The following GNB5 variants were observed in gnomAD, a reference collection of about 807,000 sequenced individuals.
GNB5 encodes guanine nucleotide-binding protein subunit beta-5.
GNB5 carries 37 observed loss-of-function variants against 55.3 expected under a neutral mutation model. The ratio of observed to expected loss-of-function variants is 0.67; its 90% CI spans 0.51 to 0.88. The LOEUF is 0.88. GNB5 is among the 40% of genes least tolerant of loss of function. The pLI, the probability that GNB5 is intolerant of heterozygous loss-of-function variation, is 0.00. For synonymous variants in GNB5, 219 were observed against 198.5 expected (o/e 1.10, Z -0.87); for missense variants, 476 against 515.3 (o/e 0.92, Z 0.74).
At chr15:52,136,348 C>T (rs1048973575) in intron 7 of GNB5, among the ~76,000 whole-genome samples, 6 of 152,144 alleles carry the variant, frequency 3.9e-5, no homozygotes, top group African/African-American at 1.4e-4. Flanking sequence ...ATGCCTGGCT[C>T]GTAGGAAGTG....
At chr15:52,153,916 T>C in intron 4 of GNB5, 24 bp downstream of exon 4, 1 of 1,598,864 alleles carries the variant, frequency 6.3e-7, no homozygotes, top group Admixed American at 1.7e-5. Context: ...CCCGCTCACC[T>C]GTTATGCAGC....
chr15:52,136,125 C>CAGGGAAAAGCAGAAA (rs2033709861), intron 7 of GNB5, among the ~76,000 whole-genome samples: 1 of 77,912 alleles, frequency 1.3e-5, no homozygotes, highest in Non-Finnish European at 2.8e-5. Context: ...CACACACACA[C>CAGGGAAAAGCAGAAA]ACACACACAC....
intron 10 of GNB5, among the ~76,000 whole-genome samples, chr15:52,127,222 G>A (rs1333906016): frequency 6.6e-6 from 1 of 152,188 alleles, no homozygotes; most frequent in African/African-American, 2.4e-5. Context: ...GCATTTCTTT[G>A]CTAATCCTAG....
At chr15:52,184,736 C>T in intron 1 of GNB5, 42 bp from the exon 2 acceptor site, 1 of 1,556,420 alleles carries the variant, frequency 6.4e-7, no homozygotes, top group Non-Finnish European at 8.8e-7. Context: ...TGAGAAAAGC[C>T]AATGGTTTTA....
chr15:52,138,609 T>C (rs1596066712), intron 7 of GNB5: 1 of 152,198 alleles, frequency 6.6e-6, no homozygotes, highest in Middle Eastern at 3.4e-3. Flanking sequence ...GAAATTTGGG[T>C]ACTCATATTT....
At chr15:52,162,186 C>A (rs78998363) in intron 3 of GNB5, among the ~76,000 whole-genome samples, 1 of 152,148 alleles carries the variant, frequency 6.6e-6, no homozygotes, top group African/African-American at 2.4e-5. Flanking sequence ...CTCCTCGGAG[C>A]CTGCACCCTG....
chr15:52,186,850 C>T (rs1163033027), intron 1 of GNB5, among the ~76,000 whole-genome samples: 2 of 152,124 alleles, frequency 1.3e-5, no homozygotes, highest in Non-Finnish European at 2.9e-5. Context: ...TGAGCTCTTA[C>T]AGCAAAGGGG....
chr15:52,133,439 T>A lies in GNB5; in HGVS notation c.802A>T (p.Met268Leu). The change falls in exon 9 of 13, where the codon ATG (methionine) becomes TTG (leucine). Residue 268 changes from methionine (M) to leucine (L), a missense_variant. Met to Leu is a conservative substitution (Grantham distance 15). Transcript: ENST00000261837. ...GCDKKAMVWD[M>L]RSGQCVQAFE... ...GCCTGCACGCACTGGCCGGAGCGCATGTCCCACACCATGGCTTTCTTGTCA... is the reference window on the plus strand; with the variant it reads ...GCCTGCACGCACTGGCCGGAGCGCAAGTCCCACACCATGGCTTTCTTGTCA... 5 of 1,613,154 alleles carry A rather than the reference T, an allele frequency of 3.1e-6. No individual in the cohort carries two copies. The highest frequency in any genetic ancestry group is 4.2e-6 in the Non-Finnish European group (5 of 1,179,062).
chr15:52,163,947 A>G (rs2034395606), intron 3 of GNB5, among the ~76,000 whole-genome samples: 1 of 152,214 alleles, frequency 6.6e-6, no homozygotes, highest in African/African-American at 2.4e-5. Flanking sequence ...GACCCAGGCA[A>G]TAAGGGTCTG....
intron 9 of GNB5, among the ~76,000 whole-genome samples, chr15:52,129,316 G>C (rs1442830751): frequency 6.6e-6 from 1 of 152,130 alleles, no homozygotes; most frequent in Non-Finnish European, 1.5e-5. Context: ...GCAGGAGGAG[G>C]AGTCCTTTTA....
intron 3 of GNB5, among the ~76,000 whole-genome samples, chr15:52,166,311 G>A (rs989264251): frequency 2.5e-4 from 38 of 152,128 alleles, no homozygotes; most frequent in Middle Eastern, 3.2e-3. Context: ...AGGATATTCA[G>A]AACCTGAACT....
In GNB5 at chr15:52,117,102, A is replaced by ATATTTTTTTTTTTTTTTTT; in HGVS notation, c.*5654_*5655insAAAAAAAAAAAAAAAAATA. 6 of 87,096 alleles carry ATATTTTTTTTTTTTTTTTT rather than the reference A, an allele frequency of 6.9e-5. No individual in the cohort carries two copies. The highest frequency in any genetic ancestry group is 3.7e-4 in the African/African-American group (6 of 16,416). The allele number at this position is 87,096 out of a possible 1,614,324, so 5.4% of individuals were successfully genotyped here. Reference sequence around the variant, plus strand: ...CCACGCCCAGCTAATATATATATATATTTTTTTTTAGTACAGACAGGGTTT... The same window carrying ATATTTTTTTTTTTTTTTTT: ...CCACGCCCAGCTAATATATATATATATATTTTTTTTTTTTTTTTTTTTTTTTTTAGTACAGACAGGGTTT... On this transcript the variant is annotated 3_prime_UTR_variant, in exon 13 of 13. Coordinates refer to ENST00000261837, the MANE Select transcript of GNB5 (RefSeq NM_016194.4).
chr15:52,160,873 C>T lies in GNB5; in HGVS notation c.239-6797G>A, dbSNP rs146282225. ...CATACTATAATCTCTGAATCTCCTA[C>T]TGGTGGACACTTACTTTGTCCCAGG... On this transcript the variant is annotated intron_variant, in intron 3 of 12. Coordinates refer to ENST00000261837, the MANE Select transcript of GNB5 (RefSeq NM_016194.4). Among the ~76,000 whole-genome samples, 33 of 152,312 alleles carry T rather than the reference C, an allele frequency of 2.2e-4. No individual in the cohort carries two copies. The East Asian group carries it at 6.4e-3, about 29-fold the overall frequency.
chr15:52,175,189 C>T lies in GNB5; in HGVS notation c.238+4579G>A, dbSNP rs1224837526. ...CCTGACTAGGGCAGAGGCTACTGGGCCACCTATATAGCAACACTAAAATGC... is the reference window on the plus strand; with the variant it reads ...CCTGACTAGGGCAGAGGCTACTGGGTCACCTATATAGCAACACTAAAATGC... On this transcript the variant is annotated intron_variant, in intron 3 of 12. Coordinates refer to ENST00000261837, the MANE Select transcript of GNB5 (RefSeq NM_016194.4). Among the ~76,000 whole-genome samples, 3 of 152,264 alleles carry T rather than the reference C, an allele frequency of 2.0e-5. No homozygotes were observed. In the East Asian group the frequency reaches 5.8e-4, roughly 29 times the overall value.
At chr15:52,179,690 C>T in intron 3 of GNB5, 78 bp downstream of exon 3, 1 of 914,900 alleles carries the variant, frequency 1.1e-6, no homozygotes, top group South Asian at 2.7e-5. Flanking sequence ...ACGACCGCCC[C>T]CACCGCCCCC....
intron 6 of GNB5, chr15:52,144,523 C>T (rs1271193073): frequency 6.6e-6 from 1 of 152,128 alleles, no homozygotes; most frequent in African/African-American, 2.4e-5. Flanking sequence ...TGGCTTTTGC[C>T]CTCAGCTACT....
At chr15:52,147,417 G>C in intron 6 of GNB5, 42 bp downstream of exon 6, 1 of 1,090,446 alleles carries the variant, frequency 9.2e-7, no homozygotes, top group Non-Finnish European at 1.4e-6. Context: ...AGTATTCTAT[G>C]GTTAACACAA....
At chr15:52,138,708 TA>T (rs1156274110) in intron 7 of GNB5, 2 of 152,230 alleles carry the variant, frequency 1.3e-5, no homozygotes, top group Non-Finnish European at 2.9e-5. Context: ...ACACTTGCAG[TA>T]ACTTACAGTT....
intron 3 of GNB5, among the ~76,000 whole-genome samples, chr15:52,155,700 T>A (rs2034194251): frequency 6.6e-6 from 1 of 152,214 alleles, no homozygotes; most frequent in Non-Finnish European, 1.5e-5. Context: ...TGTGGTTTAA[T>A]GCTTCCTTGA....
Sources: gnomAD v4.1 joint callset for allele counts (sites outside exome capture counted in the v4.1 genomes callset) on GRCh38, gnomAD v4.1.1 for gene constraint, MANE v1.5 for transcripts, NCBI Gene and HGNC (gene_info 2026-07-23, HGNC 2026-07-21) for gene names.